Variants in RGS7 observed in about 807,000 individuals in gnomAD.
The protein encoded by RGS7 is regulator of G protein signaling 7.
In RGS7, 27 loss-of-function variants were observed where a neutral mutation model predicts 81.1. That is an observed-to-expected ratio of 0.33 (90% CI 0.25 to 0.46). RGS7 has a LOEUF of 0.46. Among genes scored for constraint, RGS7 ranks in the 20% least tolerant of loss-of-function variants. The pLI is 1.00. For synonymous variants in RGS7, 208 were observed against 207.7 expected (o/e 1.00, Z -0.01); for missense variants, 396 against 607.4 (o/e 0.65, Z 3.66).
intron 6 of RGS7, among the ~76,000 whole-genome samples, chr1:240,886,198 G>T (rs1667310852): frequency 1.3e-5 from 2 of 152,122 alleles, no homozygotes; most frequent in African/African-American, 2.4e-5. Context: ...TAGGTCAAGG[G>T]TTCTTAATTT....
At chr1:241,247,255 G>A (rs1250356944) in intron 2 of RGS7, among the ~76,000 whole-genome samples, 19 of 152,056 alleles carry the variant, frequency 1.2e-4, no homozygotes, top group Admixed American at 1.1e-3. Flanking sequence ...TGAATAACTC[G>A]ATTGGTTTTA....
At chr1:241,124,532 T>G (rs1415029597) in intron 2 of RGS7, among the ~76,000 whole-genome samples, 1 of 152,194 alleles carries the variant, frequency 6.6e-6, no homozygotes, top group Admixed American at 6.5e-5. Flanking sequence ...AAGGCTGGGA[T>G]AGAGGGTTAG....
chr1:241,229,956 A>G (rs1489189249), intron 2 of RGS7, among the ~76,000 whole-genome samples: 1 of 152,208 alleles, frequency 6.6e-6, no homozygotes, highest in Admixed American at 6.5e-5. Context: ...GGAAACAGAT[A>G]ACCTCGGAAG....
intron 2 of RGS7, among the ~76,000 whole-genome samples, chr1:241,204,456 T>G (rs897472157): frequency 6.6e-6 from 1 of 152,302 alleles, no homozygotes; most frequent in East Asian, 1.9e-4. Flanking sequence ...ATTGGACAAT[T>G]TTCTTAGTGA....
At chr1:240,984,207 A>G (rs1269899597) in intron 3 of RGS7, among the ~76,000 whole-genome samples, 1 of 152,242 alleles carries the variant, frequency 6.6e-6, no homozygotes, top group Non-Finnish European at 1.5e-5. Context: ...GCAGAGAAAG[A>G]GACATGCAAT....
intron 2 of RGS7, among the ~76,000 whole-genome samples, chr1:241,323,945 G>A (rs193171165): frequency 6.6e-6 from 1 of 152,260 alleles, no homozygotes; most frequent in East Asian, 1.9e-4. Context: ...GCCCAGCTCT[G>A]TCATTTATTA....
At chr1:241,349,337 C>T (rs1218851055) in intron 2 of RGS7, among the ~76,000 whole-genome samples, 1 of 152,098 alleles carries the variant, frequency 6.6e-6, no homozygotes, top group Non-Finnish European at 1.5e-5. Context: ...CAGAAAGGAC[C>T]AAAGAAGACT....
At chr1:240,803,028 G>A in intron 15 of RGS7, 35 bp from the exon 16 acceptor site, 1 of 1,421,088 alleles carries the variant, frequency 7.0e-7, no homozygotes, top group South Asian at 1.1e-5. Flanking sequence ...GCTTCTTTAT[G>A]ATTTCTTGGG....
chr1:240,813,806 T>G, intron 12 of RGS7, 78 bp from the exon 13 acceptor site: 1 of 902,390 alleles, frequency 1.1e-6, no homozygotes, highest in African/African-American at 1.6e-5. Flanking sequence ...GAAAACAATA[T>G]AAAAATGTGG....
At chr1:240,930,915 T>G (rs750184817) in intron 5 of RGS7, 147 bp from the exon 6 acceptor site, 40 of 834,560 alleles carry the variant, frequency 4.8e-5, no homozygotes, top group Non-Finnish European at 7.2e-5. Flanking sequence ...AGAGAGACAT[T>G]GAAAACTCTT....
At chr1:241,209,664 T>C (rs1376575617) in intron 2 of RGS7, among the ~76,000 whole-genome samples, 3 of 151,674 alleles carry the variant, frequency 2.0e-5, no homozygotes, top group East Asian at 1.9e-4. Context: ...AGCAAAACCA[T>C]GTAAGTATGA....
intron 2 of RGS7, among the ~76,000 whole-genome samples, chr1:241,111,427 T>C (rs1436438994): frequency 6.6e-6 from 1 of 152,160 alleles, no homozygotes; most frequent in Non-Finnish European, 1.5e-5. Context: ...GTCATTCTCA[T>C]AGTTCTGTAT....
chr1:241,205,317 T>C (rs888759318), intron 2 of RGS7, among the ~76,000 whole-genome samples: 5 of 151,464 alleles, frequency 3.3e-5, no homozygotes, highest in African/African-American at 1.2e-4. Context: ...CTTGACCTCA[T>C]GATCCACCCG....
chr1:240,892,607 GAACCTAACTGT>G (rs1668455348), intron 6 of RGS7, among the ~76,000 whole-genome samples: 1 of 152,048 alleles, frequency 6.6e-6, no homozygotes, highest in Non-Finnish European at 1.5e-5. Flanking sequence ...TAATAAACTG[GAACCTAACTGT>G]ATGTGTAAAC....
intron 6 of RGS7, among the ~76,000 whole-genome samples, chr1:240,874,625 T>C (rs944094812): frequency 8.5e-5 from 13 of 152,198 alleles, no homozygotes; most frequent in South Asian, 4.1e-4. Flanking sequence ...AGAAATTGCA[T>C]ATATTTATAT....
intron 4 of RGS7, among the ~76,000 whole-genome samples, chr1:240,970,405 G>A (rs1683012102): frequency 6.6e-6 from 1 of 152,144 alleles, no homozygotes; most frequent in Non-Finnish European, 1.5e-5. Flanking sequence ...ACAAGTCAAT[G>A]GAAACAACAG....
At chr1:241,231,622 G>A (rs2075667842) in intron 2 of RGS7, among the ~76,000 whole-genome samples, 1 of 152,048 alleles carries the variant, frequency 6.6e-6, no homozygotes, top group Admixed American at 6.6e-5. Flanking sequence ...GTCTCTCAAA[G>A]TGCTGGGATT....
chr1:240,779,100 TG>T (rs1683506059), intron 18 of RGS7, among the ~76,000 whole-genome samples: 1 of 8,304 alleles, frequency 1.2e-4, no homozygotes, highest in Non-Finnish European at 3.6e-4. Flanking sequence ...TAGTGTTCTT[TG>T]TGTGTGTGTG....
chr1:241,132,458 T>C (rs2067170937), intron 2 of RGS7: 1 of 152,978 alleles, frequency 6.5e-6, no homozygotes, highest in Non-Finnish European at 1.5e-5. Flanking sequence ...TTACAGGCTA[T>C]ATCAGTAATT....
Sources: gnomAD v4.1 joint callset for allele counts (sites outside exome capture counted in the v4.1 genomes callset) on GRCh38, gnomAD v4.1.1 for gene constraint, MANE v1.5 for transcripts, NCBI Gene and HGNC (gene_info 2026-07-23, HGNC 2026-07-21) for gene names.